The following COX15 variants were observed in gnomAD, a reference collection of about 807,000 sequenced individuals.
COX15 encodes the protein cytochrome c oxidase assembly factor COX15.
In COX15, 51 loss-of-function variants were observed where a neutral mutation model predicts 51.9. The ratio of observed to expected loss-of-function variants is 0.98; its 90% CI spans 0.78 to 1.24. The LOEUF (loss-of-function observed/expected upper bound fraction) is 1.24. Ranked by LOEUF, COX15 falls within the 50% of genes most tolerant of loss-of-function variation. The probability of loss-of-function intolerance (pLI) is 0.00; values close to 1 mark genes in which losing one functional copy is unlikely to be tolerated. For synonymous variants in COX15, 188 were observed against 190.5 expected, an observed-to-expected ratio of 0.99 and a Z score of 0.11; for missense variants, 420 against 501.1, an observed-to-expected ratio of 0.84 and a Z score of 1.55.
chr10:99,699,454 T>A, the COX15 span, among the ~76,000 whole-genome samples: 1 of 152,264 alleles, frequency 6.6e-6, no homozygotes, highest in Admixed American at 6.5e-5. Flanking sequence ...CCTGGACAGA[T>A]GAAAGTTTAG....
At position 99,712,944 on chromosome 10, in the gene COX15, CT is replaced by C. The variant is rs2036442020; in HGVS notation, c.*1642del. On this transcript the variant is annotated 3_prime_UTR_variant, in exon 9 of 9. Transcript: ENST00000016171. ...ATCTTGCTCTCTCTCCAGATGTTCT[CT>C]GCTCCAGTTAAATATCCCTAGTTCC... is the stretch of plus-strand genomic sequence containing the variant. 2 of 899,476 alleles carry C rather than the reference CT, an allele frequency of 2.2e-6. No homozygotes were observed. Among genetic ancestry groups the C allele is most frequent in the South Asian group, 9.2e-5 (2 of 21,780 alleles). The allele number at this position is 899,476 out of a possible 1,614,324, so 55.7% of individuals were successfully genotyped here.
Position 99,714,515 on chromosome 10 carries a change from A to G in COX15, c.*72T>C. Reference sequence around the variant, plus strand: ...GTATGTCAAGGTCATCTCGTAGAAAAGCCCAAGTTCTTATGATCTCTGAAG... The same window carrying G: ...GTATGTCAAGGTCATCTCGTAGAAAGGCCCAAGTTCTTATGATCTCTGAAG... On this transcript the variant is annotated 3_prime_UTR_variant, in exon 9 of 9. Transcript: ENST00000016171. 1 of 1,611,280 alleles carries G rather than the reference A, an allele frequency of 6.2e-7. No individual in the cohort carries two copies. The highest frequency in any genetic ancestry group is 2.2e-5 in the East Asian group (1 of 44,828).
the COX15 span, among the ~76,000 whole-genome samples, chr10:99,701,219 T>C: frequency 6.6e-6 from 1 of 152,158 alleles, no homozygotes; most frequent in African/African-American, 2.4e-5. Context: ...AGTGAGCCTA[T>C]TATAGCAAAG....
At chr10:99,694,997 G>T in the COX15 span, among the ~76,000 whole-genome samples, 1 of 152,108 alleles carries the variant, frequency 6.6e-6, no homozygotes, top group African/African-American at 2.4e-5. Flanking sequence ...GTTGCCCATG[G>T]CAGAGAATGG....
chr10:99,701,391 G>A, the COX15 span, among the ~76,000 whole-genome samples: 492 of 151,474 alleles, frequency 3.2e-3, 3 homozygotes, highest in African/African-American at 0.011. Context: ...GGGTTCCAGC[G>A]ATTCTCCTGC....
downstream of COX15, chr10:99,709,496 C>G (rs1311702561): frequency 8.1e-6 from 8 of 984,882 alleles, no homozygotes; most frequent in Non-Finnish European, 9.6e-6. Context: ...AACTAAGACT[C>G]AAAACCAAAA....
intron 1 of COX15, among the ~76,000 whole-genome samples, chr10:99,730,997 G>C (rs2037121837): frequency 6.6e-6 from 1 of 152,188 alleles, no homozygotes; most frequent in South Asian, 2.1e-4. Flanking sequence ...CCAAGCTGGA[G>C]GCTGCAGTGA....
chr10:99,704,519 C>T, the COX15 span: 1 of 1,614,198 alleles, frequency 6.2e-7, no homozygotes, highest in Non-Finnish European at 8.5e-7. Flanking sequence ...TGTATACAAC[C>T]ACTATCTCTT....
chr10:99,718,695 T>G (rs2036654185), intron 6 of COX15, among the ~76,000 whole-genome samples, 195 bp from the exon 7 acceptor site: 1 of 152,166 alleles, frequency 6.6e-6, no homozygotes, highest in South Asian at 2.1e-4. Context: ...AATCTCTGCA[T>G]CCTTACCTGC....
intron 1 of COX15, among the ~76,000 whole-genome samples, chr10:99,730,515 C>T (rs563242010): frequency 6.6e-6 from 1 of 151,934 alleles, no homozygotes; most frequent in South Asian, 2.1e-4. Flanking sequence ...ACCTGGGAGG[C>T]AGAGGTTGCA....
Position 99,718,430 on chromosome 10 carries a change from G to A in COX15, c.903C>T (p.Ile301=). 1 of 1,614,026 alleles carries A rather than the reference G, an allele frequency of 6.2e-7. No individual in the cohort carries two copies. Among genetic ancestry groups the A allele is most frequent in the South Asian group, 1.1e-5 (1 of 91,076 alleles). ...NSFPKMGESW[I]PEDLFTFSPI... is the part of the protein sequence containing the mutation. ...GGGAGAAGGTAAAGAGGTCCTCCGG[G>A]ATCCAGGATTCTCCCATTTTGGGAA... is the stretch of plus-strand genomic sequence containing the variant. The change falls in exon 7 of 9, where the codon ATC becomes ATT. Residue 301 remains isoleucine, a synonymous_variant. Coordinates refer to ENST00000016171, the MANE Select transcript of COX15 (RefSeq NM_078470.6).
In COX15 at chr10:99,726,106, G is replaced by A. The variant is rs1239198028; in HGVS notation, c.582+862C>T. On this transcript the variant is annotated intron_variant, in intron 4 of 8. Transcript: ENST00000016171. Reference sequence around the variant, plus strand: ...TTTCCTTAAGAGGCGCTCAACTTACGTGATTTTAATTGCCATTTATATCTG... The same window carrying A: ...TTTCCTTAAGAGGCGCTCAACTTACATGATTTTAATTGCCATTTATATCTG... Among the ~76,000 whole-genome samples, 6 of 151,956 alleles carry A rather than the reference G, an allele frequency of 3.9e-5. 1 individual carries two copies. In the South Asian group the frequency reaches 1.0e-3, roughly 26 times the overall value.
At chr10:99,700,131 T>C in the COX15 span, among the ~76,000 whole-genome samples, 1 of 152,156 alleles carries the variant, frequency 6.6e-6, no homozygotes, top group African/African-American at 2.4e-5. Context: ...TAACTATCCA[T>C]GGCCTGACTC....
In COX15 at chr10:99,713,705, C is replaced by G; in HGVS notation, c.*882G>C. ...GAGGAACTAGCTGGGCGTGGTGGCCCATGCCTGTAATCTCAGCACTTTGGG... is the reference window on the plus strand; with the variant it reads ...GAGGAACTAGCTGGGCGTGGTGGCCGATGCCTGTAATCTCAGCACTTTGGG... On this transcript the variant is annotated 3_prime_UTR_variant, in exon 9 of 9. Coordinates refer to ENST00000016171, the MANE Select transcript of COX15 (RefSeq NM_078470.6). 2 of 667,410 alleles carry G rather than the reference C, an allele frequency of 3.0e-6. No homozygotes were observed. Among genetic ancestry groups the G allele is most frequent in the Non-Finnish European group, 4.7e-6 (2 of 421,258 alleles). 41.3% of individuals were successfully genotyped at this position (667,410 alleles called of 1,614,324 possible). A position where few individuals can be genotyped will look rare whatever the true frequency, so the allele number is the denominator to read the frequency against.
chr10:99,723,872 G>T, intron 5 of COX15, 84 bp downstream of exon 5: 1 of 1,473,584 alleles, frequency 6.8e-7, no homozygotes, highest in Non-Finnish European at 9.5e-7. Flanking sequence ...ACTCCTATAT[G>T]ATCCAGCAAT....
chr10:99,720,606 C>A (rs1033625855), intron 6 of COX15, among the ~76,000 whole-genome samples: 3 of 152,158 alleles, frequency 2.0e-5, no homozygotes, highest in Admixed American at 2.0e-4. Context: ...GTAGCCTTTG[C>A]TACATGCCAA....
At chr10:99,696,163 C>A in the COX15 span, 1 of 1,601,734 alleles carries the variant, frequency 6.2e-7, no homozygotes, top group South Asian at 1.1e-5. Context: ...AATATAATGT[C>A]AGGCTGCAGA....
At chr10:99,730,972 T>C (rs2037120230) in intron 1 of COX15, among the ~76,000 whole-genome samples, 2 of 152,128 alleles carry the variant, frequency 1.3e-5, no homozygotes, top group Admixed American at 6.5e-5. Flanking sequence ...AAGAGGATGC[T>C]TGAGGCCAGG....
At chr10:99,725,579 C>T (rs1278022119) in intron 4 of COX15, among the ~76,000 whole-genome samples, 1 of 151,904 alleles carries the variant, frequency 6.6e-6, no homozygotes, top group Non-Finnish European at 1.5e-5. Flanking sequence ...TTTTTTTGAG[C>T]CAGAGTCTTG....
Sources: allele counts gnomAD v4.1 joint callset (sites outside exome capture counted in the v4.1 genomes callset), GRCh38; gene constraint gnomAD v4.1.1; transcripts MANE v1.5; gene names NCBI Gene and HGNC (gene_info 2026-07-23, HGNC 2026-07-21).